The following SERAC1 variants were observed in gnomAD, a reference collection of about 807,000 sequenced individuals.
SERAC1 encodes serine active site containing 1.
Under a neutral mutation model 85.7 loss-of-function variants are expected in SERAC1, and 36 were observed. That is an observed-to-expected ratio of 0.42 (90% CI 0.32 to 0.55). SERAC1 has a LOEUF of 0.55. SERAC1 is among the 20% of genes least tolerant of loss of function. The pLI is 0.11. For synonymous variants in SERAC1, 242 were observed against 265.3 expected, an observed-to-expected ratio of 0.91 and a Z score of 0.85; for missense variants, 629 against 796.2, an observed-to-expected ratio of 0.79 and a Z score of 2.53.
At position 158,117,026 on chromosome 6, in the gene SERAC1, T is replaced by A. The variant is rs1784305841; in HGVS notation, c.1403+701A>T. The A allele has an allele frequency of 6.5e-6, 1 of 154,072 alleles. No homozygotes were observed. Among genetic ancestry groups the A allele is most frequent in the African/African-American group, 2.4e-5 (1 of 41,462 alleles). 9.5% of individuals were successfully genotyped at this position (154,072 alleles called of 1,614,324 possible). On this transcript the variant is annotated intron_variant, in intron 13 of 16. Transcript: ENST00000647468. This position sits in a 1 kb window ranked among gnomAD's most constrained non-coding sequence, Gnocchi z 4.3. ...TCTAGTCTGGTAGTTTCAAACTGTT[T>A]ATTTGTAGACACATTTCTTCAAAAT...
chr6:158,161,145 G>A (rs1785478855), intron 1 of SERAC1: 1 of 152,232 alleles, frequency 6.6e-6, no homozygotes, highest in South Asian at 2.1e-4. Context: ...GGAGGCCAAG[G>A]TGGGCAGACT....
At position 158,120,919 on chromosome 6, in the gene SERAC1, A is replaced by T. The variant is rs1419777816; in HGVS notation, c.1016-344T>A. 2.6e-5 allele frequency among the ~76,000 whole-genome samples: 4 copies of T among 152,236 alleles called. No homozygotes were observed. Among genetic ancestry groups the T allele is most frequent in the Non-Finnish European group, 5.9e-5 (4 of 68,042 alleles). On this transcript the variant is annotated intron_variant, in intron 10 of 16. Coordinates refer to ENST00000647468, the MANE Select transcript of SERAC1 (RefSeq NM_032861.4). The surrounding 1 kb of genome is among the most constrained non-coding windows in gnomAD (Gnocchi z 4.4). ...CAAAATACCATGATGTTTTGCTTTT[A>T]ACAAGAATTATGAAACTCAGTGGGT...
intron 1 of SERAC1, among the ~76,000 whole-genome samples, chr6:158,159,657 C>T (rs190848651): frequency 6.8e-6 from 1 of 146,526 alleles, no homozygotes; most frequent in Admixed American, 7.0e-5. Context: ...CAGGGTATGG[C>T]TCTGTCACCC....
chr6:158,156,963 T>G (rs921308026), intron 2 of SERAC1, among the ~76,000 whole-genome samples: 1 of 124,112 alleles, frequency 8.1e-6, no homozygotes, highest in Non-Finnish European at 1.8e-5. Flanking sequence ...TATATAAATA[T>G]TAATATATTT....
intron 15 of SERAC1, among the ~76,000 whole-genome samples, chr6:158,114,214 C>T (rs369764132): frequency 1.3e-4 from 20 of 152,224 alleles, no homozygotes; most frequent in East Asian, 5.8e-4. Flanking sequence ...AAGGCACGTA[C>T]GGAAAACACA....
chr6:158,155,379 G>A (rs989848257), intron 2 of SERAC1, 28 bp from the exon 3 acceptor site: 1 of 1,385,844 alleles, frequency 7.2e-7, no homozygotes, highest in Non-Finnish European at 1.0e-6. Context: ...TCAATGTGAT[G>A]AATTTCATTT....
At chr6:158,111,532 A>G in intron 16 of SERAC1, 30 bp from the exon 17 acceptor site, 2 of 1,534,918 alleles carry the variant, frequency 1.3e-6, no homozygotes, top group Admixed American at 2.1e-5. Flanking sequence ...CAATAAACCT[A>G]AGTAAAAATA....
chr6:158,138,918 T>A (rs1156327129), intron 8 of SERAC1, among the ~76,000 whole-genome samples: 1 of 152,148 alleles, frequency 6.6e-6, no homozygotes, highest in Non-Finnish European at 1.5e-5. Flanking sequence ...ATTTTTAAAT[T>A]TTTTTTAGAG....
intron 9 of SERAC1, 21 bp downstream of exon 9, chr6:158,130,352 C>T (rs750451740): frequency 1.5e-6 from 2 of 1,341,752 alleles, no homozygotes; most frequent in African/African-American, 1.5e-5. Context: ...AAGTAAACTA[C>T]ATTTTGAAAA....
At chr6:158,111,839 T>C (rs1583553600) in intron 16 of SERAC1, 1 of 167,426 alleles carries the variant, frequency 6.0e-6, no homozygotes, top group East Asian at 1.7e-4. Flanking sequence ...TACTTCAGAG[T>C]TTCTATTATA....
At chr6:158,131,772 C>A (rs1784683224) in intron 8 of SERAC1, among the ~76,000 whole-genome samples, 1 of 152,070 alleles carries the variant, frequency 6.6e-6, no homozygotes, top group Non-Finnish European at 1.5e-5. Flanking sequence ...GATAGATATG[C>A]AAGTTTGCTA....
rs115395915 is a variant in SERAC1, at chr6:158,163,718, T to C, written c.-2+4422A>G. The stretch of plus-strand genomic sequence containing the variant: ...TATATAAACACTGCACTGTTTAGAT[T>C]ATGTAGGTTTTTTGTTGTTTTTTGT... On this transcript the variant is annotated intron_variant, in intron 1 of 16. Transcript: ENST00000647468. Among the ~76,000 whole-genome samples the C allele has an allele frequency of 4.0e-3, 603 of 151,980 alleles. 3 individuals are homozygous for C. Among genetic ancestry groups the C allele is most frequent in the African/African-American group, 0.014 (559 of 41,244 alleles).
chr6:158,116,272 C>A lies in SERAC1; in HGVS notation c.1414G>T (p.Ala472Ser), dbSNP rs760782800. 1 of 1,613,942 alleles carries A rather than the reference C, an allele frequency of 6.2e-7. No homozygotes were observed. ...CTAAGAAGTTCGTTGCTTCTGAATG[C>A]AATGGACTTTCTGAACAAAACAAAA... ...ARCPMERKSI[A>S]FRSNELLRKL... is the part of the protein sequence containing the mutation. The change falls in exon 14 of 17, where the codon GCA becomes TCA. Residue 472 changes from alanine to serine, a missense_variant. Physicochemically the swap from Ala to Ser is moderately conservative, Grantham distance 99 (BLOSUM62 1). Coordinates refer to ENST00000647468, the MANE Select transcript of SERAC1 (RefSeq NM_032861.4).
intron 9 of SERAC1, 133 bp downstream of exon 9, chr6:158,130,240 G>A (rs1583575388): frequency 1.3e-5 from 6 of 468,596 alleles, no homozygotes; most frequent in East Asian, 1.1e-4. Context: ...TTGGAGGAAA[G>A]CAGAAATTTA....
Position 158,126,596 on chromosome 6 carries a change from CATT to C in SERAC1, c.1015+1509_1015+1511del, listed in dbSNP as rs1169866700. Among the ~76,000 whole-genome samples the C allele has an allele frequency of 2.0e-5, 3 of 152,046 alleles. No individual in the cohort carries two copies. In the East Asian group the frequency reaches 5.8e-4, roughly 29 times the overall value. On this transcript the variant is annotated intron_variant, in intron 10 of 16. Coordinates refer to ENST00000647468, the MANE Select transcript of SERAC1 (RefSeq NM_032861.4). Reference sequence around the variant, plus strand: ...TGGAGCTAGAAAATCATTTTAAAACCATTATGGTAAAGACTAGATCGGGCAGGA... The same window carrying C: ...TGGAGCTAGAAAATCATTTTAAAACCATGGTAAAGACTAGATCGGGCAGGA...
At position 158,130,368 on chromosome 6, in the gene SERAC1, A is replaced by C; in HGVS notation, c.852+5T>G. ...AGTAAACTACATTTTGAAAATGTAA[A>C]TTACCTCAGAATGTTTTACTATAGC... On this transcript the variant is annotated splice_donor_5th_base_variant and intron_variant, in intron 9 of 16. Transcript: ENST00000647468. 6.9e-7 allele frequency: 1 copy of C among 1,447,744 alleles called. No individual in the cohort carries two copies. The highest frequency in any genetic ancestry group is 9.3e-7 in the Non-Finnish European group (1 of 1,074,568). The allele number at this position is 1,447,744 out of a possible 1,614,324, so 89.7% of individuals were successfully genotyped here. A position where few individuals can be genotyped will look rare whatever the true frequency, so the allele number is the denominator to read the frequency against.
chr6:158,135,835 A>T (rs1426420822), intron 8 of SERAC1, among the ~76,000 whole-genome samples: 1 of 152,052 alleles, frequency 6.6e-6, no homozygotes, highest in Non-Finnish European at 1.5e-5. Flanking sequence ...TTTGAGACGG[A>T]GTCTCACTCT....
At chr6:158,135,558 T>G (rs1449899450) in intron 8 of SERAC1, among the ~76,000 whole-genome samples, 2 of 151,988 alleles carry the variant, frequency 1.3e-5, no homozygotes, top group Non-Finnish European at 2.9e-5. Context: ...ATAAAAGAAT[T>G]ACCGGGAAAA....
At chr6:158,158,882 A>G (rs1785419718) in intron 1 of SERAC1, 1 of 152,302 alleles carries the variant, frequency 6.6e-6, no homozygotes, top group Non-Finnish European at 1.5e-5. Context: ...GTTGTTTAAA[A>G]TTTTTGAAAT....
Sources: allele counts gnomAD v4.1 joint callset (sites outside exome capture counted in the v4.1 genomes callset), GRCh38; gene constraint gnomAD v4.1.1; non-coding constraint Gnocchi (gnomAD v3.1); transcripts MANE v1.5; gene names NCBI Gene and HGNC (gene_info 2026-07-23, HGNC 2026-07-21).